Variants in SPOCK1 observed in about 807,000 individuals in gnomAD.
The protein encoded by SPOCK1 is SPARC (osteonectin), cwcv and kazal like domains proteoglycan 1, also known as testican-1.
A neutral mutation model predicts 55.3 loss-of-function variants in SPOCK1; 23 were observed. That is an observed-to-expected ratio of 0.42 (90% CI 0.30 to 0.59). The LOEUF is 0.59. Among genes scored for constraint, SPOCK1 ranks in the 20% least tolerant of loss-of-function variants. The probability of loss-of-function intolerance (pLI) is 0.22; values close to 1 mark genes in which losing one functional copy is unlikely to be tolerated. For synonymous variants in SPOCK1, 226 were observed against 221.0 expected (o/e 1.02, Z -0.20); for missense variants, 499 against 552.5 (o/e 0.90, Z 0.97).
chr5:137,411,670 C>T (rs1431678201), intron 2 of SPOCK1, among the ~76,000 whole-genome samples: 1 of 152,182 alleles, frequency 6.6e-6, no homozygotes, highest in East Asian at 1.9e-4. Context: ...CCTCATGGGC[C>T]TCACTTTATC....
At chr5:137,066,987 C>CACACACACACACAGAGAG (rs1343691789) in intron 6 of SPOCK1, among the ~76,000 whole-genome samples, 55 of 139,656 alleles carry the variant, frequency 3.9e-4, no homozygotes, top group Non-Finnish European at 6.3e-4. Flanking sequence ...CACACACACA[C>CACACACACACACAGAGAG]AGAGAGAGAG....
chr5:137,012,492 C>T (rs1421414647), intron 6 of SPOCK1, among the ~76,000 whole-genome samples: 1 of 152,180 alleles, frequency 6.6e-6, no homozygotes, highest in Non-Finnish European at 1.5e-5. Flanking sequence ...CTCTTTGAGG[C>T]AGGCACTATT....
At chr5:137,036,254 T>C (rs1751881801) in intron 6 of SPOCK1, among the ~76,000 whole-genome samples, 1 of 151,384 alleles carries the variant, frequency 6.6e-6, no homozygotes, top group African/African-American at 2.4e-5. Flanking sequence ...AGCAGGGAGG[T>C]TGATCACATA....
At chr5:137,242,721 G>C (rs906511898) in intron 3 of SPOCK1, among the ~76,000 whole-genome samples, 1 of 152,162 alleles carries the variant, frequency 6.6e-6, no homozygotes, top group Non-Finnish European at 1.5e-5. Flanking sequence ...CTGGGTGACA[G>C]GGTGAAACCC....
intron 3 of SPOCK1, among the ~76,000 whole-genome samples, chr5:137,241,069 G>C (rs6891828): frequency 0.056 from 8,521 of 152,148 alleles, 427 homozygotes; most frequent in East Asian, 0.13. Flanking sequence ...AATTCCAAAT[G>C]GATAATGAGA....
intron 5 of SPOCK1, among the ~76,000 whole-genome samples, chr5:137,102,790 T>C (rs565386704): frequency 5.3e-5 from 8 of 152,324 alleles, no homozygotes; most frequent in African/African-American, 1.9e-4. Context: ...GTACCTACCT[T>C]ACAGGTTTAC....
At position 136,978,699 on chromosome 5, in the gene SPOCK1, C is replaced by G; in HGVS notation, c.1275G>C (p.Glu425Asp). The change falls in exon 11 of 11, where the codon GAG (glutamate) becomes GAC (aspartate). Residue 425 changes from glutamate to aspartate, a missense_variant. Around this residue, in one of 3 missense-constraint regions of SPOCK1, gnomAD observed 83 missense variants for 87.5 expected, o/e 0.95. Transcript: ENST00000394945. ...CATCCTCTTTGTCATCATCCTCATC[C>G]TCATCATCCTCTGTCACGGCTCGGG... ...VHTRAVTEDD[E>D]DEDDDKEDEV... The G allele has an allele frequency of 6.2e-7, 1 of 1,613,736 alleles. No homozygotes were observed.
At chr5:137,170,503 G>A (rs1027324171) in intron 3 of SPOCK1, among the ~76,000 whole-genome samples, 1 of 151,922 alleles carries the variant, frequency 6.6e-6, no homozygotes, top group Non-Finnish European at 1.5e-5. Context: ...GGGCTATCAG[G>A]GTTAGATGAC....
At chr5:137,192,248 A>AG (rs1347831613) in intron 3 of SPOCK1, among the ~76,000 whole-genome samples, 32 of 151,270 alleles carry the variant, frequency 2.1e-4, no homozygotes, top group Admixed American at 1.2e-3. Context: ...AAAAAAAAAA[A>AG]AAAAAAAGAA....
At chr5:137,073,353 G>C (rs916807867) in intron 5 of SPOCK1, among the ~76,000 whole-genome samples, 2 of 152,210 alleles carry the variant, frequency 1.3e-5, no homozygotes, top group African/African-American at 4.8e-5. Flanking sequence ...GATGACATCT[G>C]AGCAGAGAAC....
At chr5:137,079,533 T>TCTCGC (rs1752835275) in intron 5 of SPOCK1, among the ~76,000 whole-genome samples, 1 of 38,612 alleles carries the variant, frequency 2.6e-5, no homozygotes, top group African/African-American at 4.9e-5. Context: ...CCCATCTGAT[T>TCTCGC]CCCCCCCCCC....
intron 3 of SPOCK1, among the ~76,000 whole-genome samples, chr5:137,213,578 G>C (rs73793408): frequency 6.6e-6 from 1 of 152,142 alleles, no homozygotes; most frequent in Admixed American, 6.5e-5. Flanking sequence ...CACCACGCTC[G>C]CAAGAGCACT....
chr5:137,002,490 A>G (rs934034248), intron 6 of SPOCK1, among the ~76,000 whole-genome samples: 1 of 152,154 alleles, frequency 6.6e-6, no homozygotes, highest in Non-Finnish European at 1.5e-5. Flanking sequence ...GCCAAAAAAA[A>G]AAAAAATTAT....
At chr5:137,448,371 T>C (rs1054158972) in intron 2 of SPOCK1, among the ~76,000 whole-genome samples, 2 of 152,234 alleles carry the variant, frequency 1.3e-5, no homozygotes, top group African/African-American at 4.8e-5. Flanking sequence ...TTAGGGTCCA[T>C]CCTCCTTCTA....
At chr5:137,287,068 T>C (rs1450979268) in intron 2 of SPOCK1, among the ~76,000 whole-genome samples, 3 of 152,136 alleles carry the variant, frequency 2.0e-5, no homozygotes, top group East Asian at 3.9e-4. Flanking sequence ...GAAAAATAGG[T>C]GGCACCCAGG....
chr5:137,241,851 G>A (rs1756289517), intron 3 of SPOCK1, among the ~76,000 whole-genome samples: 1 of 152,152 alleles, frequency 6.6e-6, no homozygotes, highest in East Asian at 1.9e-4. Flanking sequence ...ATGGAATGGG[G>A]ACAATTTCCC....
chr5:137,150,170 T>C (rs10515487), intron 3 of SPOCK1, among the ~76,000 whole-genome samples: 33,983 of 152,134 alleles, frequency 0.22, 4,315 homozygotes, highest in Non-Finnish European at 0.28. Flanking sequence ...GTAAACTCTA[T>C]AAGAAGAAAC....
intron 2 of SPOCK1, among the ~76,000 whole-genome samples, chr5:137,419,139 T>C (rs1752423708): frequency 6.6e-6 from 1 of 152,228 alleles, no homozygotes; most frequent in South Asian, 2.1e-4. Context: ...CTGACGGCTC[T>C]GTTCTGTTCC....
intron 3 of SPOCK1, among the ~76,000 whole-genome samples, chr5:137,242,329 A>T (rs1377712523): frequency 6.6e-6 from 1 of 152,136 alleles, no homozygotes; most frequent in Non-Finnish European, 1.5e-5. Context: ...TGCTGTTCTC[A>T]TGATGGTGAA....
Sources: gnomAD v4.1 joint callset for allele counts (sites outside exome capture counted in the v4.1 genomes callset) on GRCh38, gnomAD v4.1.1 for gene constraint, gnomAD v4.1.1 regional missense constraint, MANE v1.5 for transcripts, NCBI Gene and HGNC (gene_info 2026-07-23, HGNC 2026-07-21) for gene names.